SEMA5A: variants seen among roughly 807,000 people sequenced by gnomAD.
SEMA5A encodes semaphorin 5A.
In SEMA5A, 55 loss-of-function variants were observed where a neutral mutation model predicts 135.5. That is an observed-to-expected ratio of 0.41 (90% confidence interval 0.33 to 0.51). SEMA5A has a LOEUF of 0.51. Among genes scored for constraint, SEMA5A ranks in the 20% least tolerant of loss-of-function variants. The pLI is 0.37. For missense variants in SEMA5A, 1,290 were observed against 1,419.9 expected (o/e 0.91, Z 1.47); for synonymous variants, 580 against 546.5 (o/e 1.06, Z -0.85).
At chr5:9,516,592 C>G (rs1332368015) in intron 1 of SEMA5A, 1 of 152,142 alleles carries the variant, frequency 6.6e-6, no homozygotes. Flanking sequence ...TGAAGAGACA[C>G]GACAGTTTGT....
intron 5 of SEMA5A, among the ~76,000 whole-genome samples, chr5:9,252,694 GC>G (rs1748862682): frequency 6.6e-6 from 1 of 152,138 alleles, no homozygotes; most frequent in African/African-American, 2.4e-5. Context: ...TTCAAGCACA[GC>G]CAAGAAAGTG....
intron 8 of SEMA5A, among the ~76,000 whole-genome samples, chr5:9,222,865 G>T (rs561108652): frequency 1.3e-5 from 2 of 152,210 alleles, no homozygotes; most frequent in East Asian, 1.9e-4. Flanking sequence ...AAGGCAGCTA[G>T]TGTTTGTAAC....
At chr5:9,504,399 G>C (rs1735764484) in intron 1 of SEMA5A, among the ~76,000 whole-genome samples, 1 of 152,070 alleles carries the variant, frequency 6.6e-6, no homozygotes, top group Non-Finnish European at 1.5e-5. Context: ...GAAATATTCA[G>C]CTTCTGTTGT....
At chr5:9,395,410 G>A (rs17256634) in intron 2 of SEMA5A, among the ~76,000 whole-genome samples, 31,513 of 152,090 alleles carry the variant, frequency 0.21, 3,847 homozygotes, top group Middle Eastern at 0.29. Flanking sequence ...AATGTGTGGC[G>A]TACAGGTGTA....
At chr5:9,143,538 T>C (rs1261979255) in intron 12 of SEMA5A, among the ~76,000 whole-genome samples, 2 of 152,212 alleles carry the variant, frequency 1.3e-5, no homozygotes, top group South Asian at 2.1e-4. Context: ...TTAAAACCCA[T>C]AGGCAAATAT....
chr5:9,235,845 T>C (rs1747879098), intron 6 of SEMA5A, among the ~76,000 whole-genome samples: 1 of 152,190 alleles, frequency 6.6e-6, no homozygotes, highest in Non-Finnish European at 1.5e-5. Context: ...GCTAGGTCAC[T>C]GTATTAGTCT....
chr5:9,281,564 C>T (rs1750542654), intron 5 of SEMA5A, among the ~76,000 whole-genome samples: 1 of 152,182 alleles, frequency 6.6e-6, no homozygotes, highest in South Asian at 2.1e-4. Flanking sequence ...ATATGAAAAG[C>T]AAATCCCATA....
intron 5 of SEMA5A, among the ~76,000 whole-genome samples, chr5:9,249,165 G>C (rs1748641052): frequency 6.6e-6 from 1 of 152,184 alleles, no homozygotes; most frequent in African/African-American, 2.4e-5. Flanking sequence ...TGATTATTTT[G>C]AGAAAGCCTA....
rs538214745 is a variant in SEMA5A at position 9,421,749 on chromosome 5, C to A, written c.-78+16007G>T. Among the ~76,000 whole-genome samples, 3 of 152,218 alleles carry A rather than the reference C, an allele frequency of 2.0e-5. No homozygotes were observed. The South Asian group carries it at 6.2e-4, about 32-fold the overall frequency. ...AAGAATGATATCTCATTTGAATTAT[C>A]CTAAGAGCAATGGATAGAACATTGT... On this transcript the variant is annotated intron_variant, in intron 2 of 22. Transcript: ENST00000382496.
Position 9,363,294 on chromosome 5 carries a change from G to A in SEMA5A, c.124+16529C>T, listed in dbSNP as rs553716585. The A allele has an allele frequency of 3.3e-5, 5 of 152,288 alleles. No homozygotes were observed. The East Asian group carries it at 9.6e-4, about 29-fold the overall frequency. The allele number at this position is 152,288 out of a possible 1,614,324, so 9.4% of individuals were successfully genotyped here. A position where few individuals can be genotyped will look rare whatever the true frequency, so the allele number is the denominator to read the frequency against. On this transcript the variant is annotated intron_variant, in intron 3 of 22. Coordinates refer to ENST00000382496, the MANE Select transcript of SEMA5A (RefSeq NM_003966.3). ...CTCCATCTGAAGATGGTTCCTGCCT[G>A]AACCATGCACACTAATCATTTAATG...
In SEMA5A at chr5:9,088,593, C is replaced by G. The variant is rs1037074756; in HGVS notation, c.2073+19547G>C. Among the ~76,000 whole-genome samples, 145 of 145,460 alleles carry G rather than the reference C, an allele frequency of 1.0e-3. 1 individual carries two copies. The highest frequency in any genetic ancestry group is 1.0e-3 in the Non-Finnish European group (70 of 66,894). On this transcript the variant is annotated intron_variant, in intron 16 of 22. Coordinates refer to ENST00000382496, the MANE Select transcript of SEMA5A (RefSeq NM_003966.3). ...ATGGTTGTTCAAACAAGAATTTACA[C>G]AGGCAGACAAAAATGACAGCAGCAG...
At chr5:9,401,439 T>C (rs1474233810) in intron 2 of SEMA5A, among the ~76,000 whole-genome samples, 2 of 152,128 alleles carry the variant, frequency 1.3e-5, no homozygotes, top group African/African-American at 4.8e-5. Context: ...CCAAAGGCCA[T>C]ATGTGCCACC....
At chr5:9,068,842 GC>G (rs1737618866) in intron 16 of SEMA5A, among the ~76,000 whole-genome samples, 1 of 152,186 alleles carries the variant, frequency 6.6e-6, no homozygotes, top group Non-Finnish European at 1.5e-5. Context: ...TCTGTGTGCA[GC>G]AGTGTTCTCA....
Position 9,042,757 on chromosome 5 carries a change from G to T in SEMA5A, c.*140C>A. The T allele has an allele frequency of 4.2e-6, 4 of 956,730 alleles. No homozygotes were observed. The highest frequency in any genetic ancestry group is 6.3e-6 in the Non-Finnish European group (4 of 633,834). 59.3% of individuals were successfully genotyped at this position (956,730 alleles called of 1,614,324 possible). A position where few individuals can be genotyped will look rare whatever the true frequency, so the allele number is the denominator to read the frequency against. ...CTTTTAAAGACGTGTATTTTTGGCA[G>T]CAATGGGACACTCTGGTGGCTTGAA... On this transcript the variant is annotated 3_prime_UTR_variant, in exon 23 of 23. Coordinates refer to ENST00000382496, the MANE Select transcript of SEMA5A (RefSeq NM_003966.3).
At chr5:9,374,865 T>C (rs1052546665) in intron 3 of SEMA5A, among the ~76,000 whole-genome samples, 1 of 151,118 alleles carries the variant, frequency 6.6e-6, no homozygotes, top group African/African-American at 2.4e-5. Flanking sequence ...TCACTGGAGG[T>C]GGAGTTGGCT....
At chr5:9,426,636 G>T (rs1331296243) in intron 2 of SEMA5A, among the ~76,000 whole-genome samples, 1 of 152,028 alleles carries the variant, frequency 6.6e-6, no homozygotes, top group African/African-American at 2.4e-5. Flanking sequence ...TGGGGAACTG[G>T]CATGTGCTTA....
chr5:9,052,631 G>A (rs753446754), intron 19 of SEMA5A, among the ~76,000 whole-genome samples: 9 of 152,102 alleles, frequency 5.9e-5, no homozygotes, highest in East Asian at 3.9e-4. Context: ...ATCTTATCTC[G>A]TGTTTGCTGT....
intron 1 of SEMA5A, among the ~76,000 whole-genome samples, chr5:9,476,275 A>T (rs1271354846): frequency 1.3e-5 from 2 of 152,226 alleles, no homozygotes; most frequent in Non-Finnish European, 2.9e-5. Context: ...GAAGCATCAG[A>T]TCAATTAATG....
chr5:9,482,124 C>T (rs1398202318), intron 1 of SEMA5A, among the ~76,000 whole-genome samples: 2 of 152,160 alleles, frequency 1.3e-5, no homozygotes, highest in East Asian at 3.8e-4. Flanking sequence ...GTTGTGCTCA[C>T]CAAGTCCAGT....
Sources: allele counts gnomAD v4.1 joint callset (sites outside exome capture counted in the v4.1 genomes callset), GRCh38; gene constraint gnomAD v4.1.1; transcripts MANE v1.5; gene names NCBI Gene and HGNC (gene_info 2026-07-23, HGNC 2026-07-21).